Variants in HRH2 observed in about 807,000 individuals in gnomAD.
HRH2 encodes histamine receptor H2, also known as histamine H2 receptor.
HRH2 carries 4 observed loss-of-function variants against 20.1 expected under a neutral mutation model. The observed-to-expected ratio is 0.20, with a 90% CI of 0.10 to 0.45. The LOEUF (loss-of-function observed/expected upper bound fraction) is 0.45. Among genes scored for constraint, HRH2 ranks in the 20% least tolerant of loss-of-function variants. The probability of loss-of-function intolerance (pLI) is 0.99; values close to 1 mark genes in which losing one functional copy is unlikely to be tolerated. For missense variants in HRH2, 250 were observed against 461.6 expected (o/e 0.54, Z 4.20); for synonymous variants, 197 against 200.7 (o/e 0.98, Z 0.16).
At chr5:175,665,259 A>G (rs1391358058) in intron 1 of HRH2, among the ~76,000 whole-genome samples, 3 of 152,168 alleles carry the variant, frequency 2.0e-5, no homozygotes, top group African/African-American at 7.2e-5. Context: ...GCTACGACCG[A>G]GGAGGTACAG....
intron 1 of HRH2, among the ~76,000 whole-genome samples, chr5:175,673,727 G>T (rs1198378114): frequency 2.1e-5 from 3 of 142,170 alleles, no homozygotes; most frequent in African/African-American, 5.2e-5. Context: ...TTTTTTTGAC[G>T]GAGTCTCGCT....
chr5:175,684,972 C>G (rs1756119352), intron 2 of HRH2, among the ~76,000 whole-genome samples: 1 of 152,126 alleles, frequency 6.6e-6, no homozygotes, highest in Non-Finnish European at 1.5e-5. Flanking sequence ...AAAGAGGGCT[C>G]TGGGTACCCC....
chr5:175,673,390 G>A (rs1344771612), intron 1 of HRH2, among the ~76,000 whole-genome samples: 1 of 152,152 alleles, frequency 6.6e-6, no homozygotes, highest in Non-Finnish European at 1.5e-5. Context: ...GGAGGAGCAG[G>A]TTAGAAAAAA....
At chr5:175,678,539 C>A (rs1712698284) in intron 1 of HRH2, among the ~76,000 whole-genome samples, 1 of 152,240 alleles carries the variant, frequency 6.6e-6, no homozygotes, top group Admixed American at 6.5e-5. Context: ...TGTCCAATGT[C>A]CAAGTCCTTG....
intron 1 of HRH2, among the ~76,000 whole-genome samples, chr5:175,665,849 A>C (rs1762872192): frequency 6.6e-6 from 1 of 152,346 alleles, no homozygotes; most frequent in Middle Eastern, 3.4e-3. Flanking sequence ...GAACATGCCA[A>C]GATCATAGAT....
rs114206522 is a variant in HRH2, at chr5:175,665,347, G to A, written c.-526+7192G>A. Among the ~76,000 whole-genome samples the A allele has an allele frequency of 4.3e-3, 658 of 152,212 alleles. 8 individuals carry two copies. Among genetic ancestry groups the A allele is most frequent in the African/African-American group, 0.015 (635 of 41,514 alleles). On this transcript the variant is annotated intron_variant, in intron 1 of 2. Coordinates refer to ENST00000636584, the MANE Select transcript of HRH2 (RefSeq NM_001367711.1). ...GGGAGTAGAGGCAGCGGGAGAGGGA[G>A]GTCCGGACCCAGGATCTGGATATGC...
chr5:175,666,976 T>C (rs1410314087), intron 1 of HRH2, among the ~76,000 whole-genome samples: 1 of 152,074 alleles, frequency 6.6e-6, no homozygotes, highest in Non-Finnish European at 1.5e-5. Flanking sequence ...TGTTCATTTG[T>C]TGTGGTTTAT....
Position 175,683,267 on chromosome 5 carries a change from C to T in HRH2, c.34C>T (p.Leu12=). 2 of 1,614,148 alleles carry T rather than the reference C, an allele frequency of 1.2e-6. No individual in the cohort carries two copies. Among genetic ancestry groups the T allele is most frequent in the Non-Finnish European group, 1.7e-6 (2 of 1,180,026 alleles). Residue 12 remains leucine, a synonymous_variant, in exon 2 of 3, where the codon CTG becomes TTG. Coordinates refer to ENST00000636584, the MANE Select transcript of HRH2 (RefSeq NM_001367711.1). The part of the protein sequence containing the change: ...APNGTASSFC[L]DSTACKITIT... ...CAATGGCACAGCCTCTTCCTTTTGCCTGGACTCTACCGCATGCAAGATCAC... is the reference window on the plus strand; with the variant it reads ...CAATGGCACAGCCTCTTCCTTTTGCTTGGACTCTACCGCATGCAAGATCAC...
intron 2 of HRH2, among the ~76,000 whole-genome samples, chr5:175,705,865 A>G (rs1390882121): frequency 4.6e-5 from 7 of 151,968 alleles, no homozygotes. Flanking sequence ...AGGTTTCACC[A>G]TGTTGCCCAG....
rs989688986 is a variant in HRH2, at chr5:175,668,332, C to T, written c.-526+10177C>T. Among the ~76,000 whole-genome samples the T allele has an allele frequency of 5.3e-5, 8 of 152,264 alleles. No homozygotes were observed. The East Asian group carries it at 1.5e-3, about 29-fold the overall frequency. On this transcript the variant is annotated intron_variant, in intron 1 of 2. Coordinates refer to ENST00000636584, the MANE Select transcript of HRH2 (RefSeq NM_001367711.1). ...CTGACTCCGCACAGCAGTCAGACAG[C>T]GGGGGACTGCAGGGATTTCCTTCCT...
chr5:175,679,939 G>T (rs1194389759), intron 1 of HRH2, among the ~76,000 whole-genome samples: 4 of 152,214 alleles, frequency 2.6e-5, no homozygotes, highest in Admixed American at 6.5e-5. Context: ...CTTTCTAGGG[G>T]TGTGACATCA....
chr5:175,684,176 ACTT>A lies in HRH2; in HGVS notation c.946_948del (p.Ser316del). 6.2e-7 allele frequency: 1 copy of A among 1,613,966 alleles called. No individual in the cohort carries two copies. Among genetic ancestry groups the A allele is most frequent in the Non-Finnish European group, 8.5e-7 (1 of 1,179,986 alleles). ...GCTGGCCAACCGCAACTCCCACAAA[ACTT>A]CTCTGAGGTCCAACGCCTCTCAGCT... is the stretch of plus-strand genomic sequence containing the variant. On this transcript the variant is annotated inframe_deletion, in exon 2 of 3. Coordinates refer to ENST00000636584, the MANE Select transcript of HRH2 (RefSeq NM_001367711.1).
At chr5:175,688,168 G>A (rs530374207) in intron 2 of HRH2, among the ~76,000 whole-genome samples, 3 of 152,296 alleles carry the variant, frequency 2.0e-5, no homozygotes, top group African/African-American at 4.8e-5. Context: ...TTGCACGGAG[G>A]CCCGCCTGGG....
intron 1 of HRH2, among the ~76,000 whole-genome samples, chr5:175,660,343 C>T (rs914849125): frequency 1.3e-5 from 2 of 152,214 alleles, no homozygotes; most frequent in East Asian, 3.8e-4. Flanking sequence ...TATTCATCAA[C>T]AGTCAGAAAG....
At chr5:175,688,745 T>C (rs1056776699) in intron 2 of HRH2, among the ~76,000 whole-genome samples, 3 of 152,178 alleles carry the variant, frequency 2.0e-5, no homozygotes, top group African/African-American at 7.2e-5. Flanking sequence ...GCCCTACAGA[T>C]ACCAGATAGG....
chr5:175,684,337 G>A (rs1295111291), intron 2 of HRH2, 28 bp downstream of exon 2: 7 of 1,602,226 alleles, frequency 4.4e-6, no homozygotes, highest in Non-Finnish European at 6.0e-6. Context: ...TGGTGCACAG[G>A]ATGGGGGCAA....
At chr5:175,672,192 G>A (rs1755569598) in intron 1 of HRH2, among the ~76,000 whole-genome samples, 1 of 152,202 alleles carries the variant, frequency 6.6e-6, no homozygotes, top group African/African-American at 2.4e-5. Context: ...ATTCACACCA[G>A]AGACACAAAC....
At chr5:175,692,968 G>A (rs1756437717) in intron 2 of HRH2, among the ~76,000 whole-genome samples, 1 of 152,222 alleles carries the variant, frequency 6.6e-6, no homozygotes, top group Admixed American at 6.5e-5. Flanking sequence ...GCCAGGGGCA[G>A]GTGAGGGTGC....
chr5:175,680,292 CAAG>C (rs1029049017), intron 1 of HRH2, among the ~76,000 whole-genome samples: 14 of 152,186 alleles, frequency 9.2e-5, no homozygotes, highest in African/African-American at 3.4e-4. Flanking sequence ...GGGAATTTTA[CAAG>C]AAGTGAAGGA....
Sources: gnomAD v4.1 joint callset for allele counts (sites outside exome capture counted in the v4.1 genomes callset) on GRCh38, gnomAD v4.1.1 for gene constraint, MANE v1.5 for transcripts, NCBI Gene and HGNC (gene_info 2026-07-23, HGNC 2026-07-21) for gene names.